RTN4: variants seen among roughly 807,000 people sequenced by gnomAD.
RTN4 encodes the protein reticulon 4.
A neutral mutation model predicts 90.4 loss-of-function variants in RTN4; 32 were observed. The observed-to-expected ratio is 0.35, with a 90% CI of 0.27 to 0.48. The LOEUF is 0.48. Among genes scored for constraint, RTN4 ranks in the 20% least tolerant of loss-of-function variants. The probability of loss-of-function intolerance (pLI) is 0.99; values close to 1 mark genes in which losing one functional copy is unlikely to be tolerated. For synonymous variants in RTN4, 629 were observed against 552.5 expected, an observed-to-expected ratio of 1.14 and a Z score of -1.94; for missense variants, 1,706 against 1,430.2, an observed-to-expected ratio of 1.19 and a Z score of -3.11.
intron 3 of RTN4, among the ~76,000 whole-genome samples, chr2:54,996,295 T>C (rs1287245927): frequency 6.6e-6 from 1 of 152,098 alleles, no homozygotes; most frequent in Non-Finnish European, 1.5e-5. Context: ...ACAAACACTA[T>C]CAAAATCCCA....
rs958268791 is a variant in RTN4 at position 55,010,405 on chromosome 2, C to A, written c.3013+14681G>T. 17 of 1,204,110 alleles carry A rather than the reference C, an allele frequency of 1.4e-5. No homozygotes were observed. The African/African-American group carries it at 2.0e-4, about 14-fold the overall frequency. 74.6% of individuals were successfully genotyped at this position (1,204,110 alleles called of 1,614,324 possible). ...TTAGGCATTTGCCTTGTTGCTCATACCAAATGGAGCTGCATTTGCAGGGAG... is the reference window on the plus strand; with the variant it reads ...TTAGGCATTTGCCTTGTTGCTCATAACAAATGGAGCTGCATTTGCAGGGAG... On this transcript the variant is annotated intron_variant, in intron 3 of 8. Transcript: ENST00000337526.
At position 54,983,601 on chromosome 2, in the gene RTN4, T is replaced by C. The variant is rs556889634; in HGVS notation, c.3222-948A>G. ...TTACCTCTGCAACATGCCCCAAATATGTCTCCTGGTTTTTATTCACAGTGC... is the reference window on the plus strand; with the variant it reads ...TTACCTCTGCAACATGCCCCAAATACGTCTCCTGGTTTTTATTCACAGTGC... On this transcript the variant is annotated intron_variant, in intron 4 of 8. Transcript: ENST00000337526. 2.0e-5 allele frequency among the ~76,000 whole-genome samples: 3 copies of C among 152,264 alleles called. No individual in the cohort carries two copies. In the East Asian group the frequency reaches 5.8e-4, roughly 29 times the overall value.
intron 2 of RTN4, among the ~76,000 whole-genome samples, chr2:55,063,237 G>A (rs943078739): frequency 2.6e-5 from 4 of 152,222 alleles, no homozygotes; most frequent in Non-Finnish European, 4.4e-5. Flanking sequence ...AATAGAAGAT[G>A]GGAATAGAAG....
chr2:55,064,443 C>T (rs1004531465), intron 2 of RTN4, among the ~76,000 whole-genome samples: 1 of 150,928 alleles, frequency 6.6e-6, no homozygotes, highest in African/African-American at 2.4e-5. Flanking sequence ...CTCCGCCTCC[C>T]GGGTTCAAGC....
chr2:55,094,223 A>G (rs1444321989), intron 1 of RTN4, among the ~76,000 whole-genome samples: 1 of 152,166 alleles, frequency 6.6e-6, no homozygotes, highest in Non-Finnish European at 1.5e-5. Context: ...TCTCCACCAC[A>G]TGAGGACACA....
At chr2:54,977,979 C>T (rs1171345583) in intron 5 of RTN4, among the ~76,000 whole-genome samples, 3 of 152,124 alleles carry the variant, frequency 2.0e-5, no homozygotes, top group Non-Finnish European at 4.4e-5. Context: ...ACTAATGAGC[C>T]CTGGAGTTTG....
At chr2:55,106,553 G>A (rs1376677877) in intron 1 of RTN4, among the ~76,000 whole-genome samples, 1 of 151,912 alleles carries the variant, frequency 6.6e-6, no homozygotes, top group East Asian at 1.9e-4. Context: ...GAGTTTTGCT[G>A]TTGTTGCCCA....
At chr2:54,994,416 T>G (rs578254974) in intron 3 of RTN4, among the ~76,000 whole-genome samples, 1 of 152,208 alleles carries the variant, frequency 6.6e-6, no homozygotes, top group Admixed American at 6.5e-5. Context: ...AATACAAGAT[T>G]GATTAAACAT....
chr2:55,099,153 C>T (rs1261909326), intron 1 of RTN4, among the ~76,000 whole-genome samples: 3 of 152,028 alleles, frequency 2.0e-5, no homozygotes, highest in Non-Finnish European at 4.4e-5. Flanking sequence ...TCACCTCATG[C>T]ACTATTTAGT....
intron 1 of RTN4, among the ~76,000 whole-genome samples, chr2:55,111,804 A>C (rs1313891102): frequency 1.3e-5 from 2 of 152,170 alleles, no homozygotes; most frequent in Admixed American, 6.5e-5. Flanking sequence ...ATTCACTGAA[A>C]TGTCCTTAAA....
At chr2:55,025,019 T>C (rs1306173128) in intron 3 of RTN4, 67 bp downstream of exon 3, 27 of 1,503,584 alleles carry the variant, frequency 1.8e-5, no homozygotes, top group African/African-American at 4.2e-5. Flanking sequence ...AAACACAAAA[T>C]GTAGTGGAAT....
At chr2:54,994,669 A>G (rs1679276386) in intron 3 of RTN4, among the ~76,000 whole-genome samples, 1 of 152,246 alleles carries the variant, frequency 6.6e-6, no homozygotes, top group Non-Finnish European at 1.5e-5. Context: ...CAAGACAAGT[A>G]CATCCATTCT....
rs538057730 is a variant in RTN4, at chr2:55,000,113, A to G, written c.3014-12415T>C. Reference sequence around the variant, plus strand: ...GAACACACTGGTACTAAAGCTCAAGAGATAAGGTCAAGAAAGGCAATCAAA... The same window carrying G: ...GAACACACTGGTACTAAAGCTCAAGGGATAAGGTCAAGAAAGGCAATCAAA... On this transcript the variant is annotated intron_variant, in intron 3 of 8. Transcript: ENST00000337526. Among the ~76,000 whole-genome samples the G allele has an allele frequency of 2.6e-4, 40 of 152,284 alleles. No homozygotes were observed. The South Asian group carries it at 7.9e-3, about 30-fold the overall frequency.
At chr2:55,134,575 A>G in the RTN4 span, among the ~76,000 whole-genome samples, 1 of 152,242 alleles carries the variant, frequency 6.6e-6, no homozygotes, top group African/African-American at 2.4e-5. Flanking sequence ...GCTTCCTGAC[A>G]TAAACAGCTG....
At chr2:54,996,565 G>T (rs1483472252) in intron 3 of RTN4, among the ~76,000 whole-genome samples, 1 of 152,180 alleles carries the variant, frequency 6.6e-6, no homozygotes, top group Non-Finnish European at 1.5e-5. Context: ...TCACAAGGGT[G>T]CCAAGGCAAC....
intron 2 of RTN4, among the ~76,000 whole-genome samples, chr2:55,069,443 T>C (rs2105014375): frequency 6.6e-6 from 1 of 152,288 alleles, no homozygotes; most frequent in Non-Finnish European, 1.5e-5. Context: ...TCTGCCATTG[T>C]CTAAAAACAA....
chr2:55,036,976 T>G (rs765652524), intron 1 of RTN4, among the ~76,000 whole-genome samples: 1 of 152,150 alleles, frequency 6.6e-6, no homozygotes, highest in Admixed American at 6.5e-5. Flanking sequence ...GACTGTATAG[T>G]TGGAAAATCC....
At chr2:55,004,124 G>A (rs1445880415) in intron 3 of RTN4, among the ~76,000 whole-genome samples, 5 of 152,130 alleles carry the variant, frequency 3.3e-5, no homozygotes, top group Non-Finnish European at 5.9e-5. Flanking sequence ...TTAACCTTTT[G>A]ACAATACCTG....
chr2:55,080,265 G>A (rs764046598), intron 2 of RTN4, among the ~76,000 whole-genome samples: 8 of 151,952 alleles, frequency 5.3e-5, no homozygotes, highest in Non-Finnish European at 1.0e-4. Flanking sequence ...CGATCCTCCT[G>A]CCCCAGCCTT....
Sources: allele counts gnomAD v4.1 joint callset (sites outside exome capture counted in the v4.1 genomes callset), GRCh38; gene constraint gnomAD v4.1.1; transcripts MANE v1.5; gene names NCBI Gene and HGNC (gene_info 2026-07-23, HGNC 2026-07-21).